Variants in MDN1 observed in about 807,000 individuals in gnomAD.
The protein encoded by MDN1 is midasin.
A neutral mutation model predicts 669.2 loss-of-function variants in MDN1; 266 were observed. The ratio of observed to expected loss-of-function variants is 0.40; its 90% CI spans 0.36 to 0.44. The LOEUF is 0.44. MDN1 is among the 20% of genes least tolerant of loss of function. The pLI is 1.00. For missense variants in MDN1, 5,940 were observed against 6,754.0 expected, an observed-to-expected ratio of 0.88 and a Z score of 4.22; for synonymous variants, 2,385 against 2,457.1, an observed-to-expected ratio of 0.97 and a Z score of 0.87.
At chr6:89,780,796 G>A (rs1406355267) in intron 10 of MDN1, among the ~76,000 whole-genome samples, 1 of 143,894 alleles carries the variant, frequency 6.9e-6, no homozygotes, top group Admixed American at 7.2e-5. Flanking sequence ...ACCTGCCACC[G>A]TGCCTGGCTA....
chr6:89,796,411 T>G (rs1237816182), intron 2 of MDN1, among the ~76,000 whole-genome samples: 1 of 114,376 alleles, frequency 8.7e-6, no homozygotes, highest in Non-Finnish European at 1.8e-5. Context: ...TACAGACCAA[T>G]AAGTAACTAG....
chr6:89,705,204 A>G (rs1242301265), intron 53 of MDN1, among the ~76,000 whole-genome samples: 1 of 152,214 alleles, frequency 6.6e-6, no homozygotes, highest in African/African-American at 2.4e-5. Context: ...TTTATTGAAA[A>G]TAAGTTATTC....
chr6:89,775,644 G>A (rs1336876740), intron 12 of MDN1, among the ~76,000 whole-genome samples: 2 of 152,078 alleles, frequency 1.3e-5, no homozygotes, highest in African/African-American at 4.8e-5. Context: ...GAGTATACAG[G>A]TATTCACTGC....
At chr6:89,796,324 C>CAAAAAAAA (rs35169575) in intron 2 of MDN1, among the ~76,000 whole-genome samples, 12 of 45,362 alleles carry the variant, frequency 2.6e-4, no homozygotes, top group African/African-American at 2.9e-4. Context: ...AACTCTGTCT[C>CAAAAAAAA]AAAAAAAAAA....
At chr6:89,725,930 T>TACACACACACAC (rs71024397) in intron 37 of MDN1, among the ~76,000 whole-genome samples, 20 of 147,582 alleles carry the variant, frequency 1.4e-4, no homozygotes, top group African/African-American at 4.2e-4. Flanking sequence ...TGGTATTTTA[T>TACACACACACAC]ACACACACAC....
At chr6:89,732,936 C>T (rs982581452) in intron 33 of MDN1, among the ~76,000 whole-genome samples, 161 bp from the exon 34 acceptor site, 7 of 152,172 alleles carry the variant, frequency 4.6e-5, no homozygotes, top group African/African-American at 1.4e-4. Flanking sequence ...CAAAAGCAGC[C>T]TGCAGCTTTG....
At chr6:89,732,465 G>C (rs1417792464) in intron 34 of MDN1, 92 bp downstream of exon 34, 4 of 1,072,868 alleles carry the variant, frequency 3.7e-6, no homozygotes, top group Non-Finnish European at 5.5e-6. Flanking sequence ...AAGTGATTCA[G>C]TAAAATAGCT....
chr6:89,739,339 G>C (rs1231471124), intron 32 of MDN1, among the ~76,000 whole-genome samples: 5 of 152,154 alleles, frequency 3.3e-5, no homozygotes, highest in African/African-American at 4.8e-5. Flanking sequence ...AGACCTCTCT[G>C]TGGCATTTCT....
Position 89,670,170 on chromosome 6 carries a change from A to ATTT in MDN1, c.13956+746_13956+748dup, listed in dbSNP as rs766450069. On this transcript the variant is annotated intron_variant, in intron 83 of 101. Coordinates refer to ENST00000369393, the MANE Select transcript of MDN1 (RefSeq NM_014611.3). The stretch of plus-strand genomic sequence containing the variant: ...TATATATATATATATATATATATAT[A>ATTT]TTTTTTTTTTTTTTTTTTTTGAGAT... Among the ~76,000 whole-genome samples the ATTT allele has an allele frequency of 5.5e-3, 128 of 23,394 alleles. 6 individuals carry two copies. The highest frequency in any genetic ancestry group is 0.019 in the African/African-American group (73 of 3,908). The allele number at this position is 23,394 out of a possible 152,430, so 15.3% of individuals were successfully genotyped here.
At chr6:89,809,993 T>TAAAAAAAA (rs61558155) in intron 1 of MDN1, among the ~76,000 whole-genome samples, 7 of 52,832 alleles carry the variant, frequency 1.3e-4, no homozygotes, top group Non-Finnish European at 1.9e-4. Flanking sequence ...TCCGTTTCAC[T>TAAAAAAAA]AAAAAAAAAA....
At chr6:89,751,019 A>C (rs913399677) in intron 23 of MDN1, among the ~76,000 whole-genome samples, 1 of 151,920 alleles carries the variant, frequency 6.6e-6, no homozygotes, top group Non-Finnish European at 1.5e-5. Context: ...AAAATGCAAG[A>C]AGCAGAAGAA....
At chr6:89,664,706 G>A in intron 84 of MDN1, 78 bp from the exon 85 acceptor site, 5 of 1,140,514 alleles carry the variant, frequency 4.4e-6, no homozygotes, top group Non-Finnish European at 3.8e-6. Flanking sequence ...AAATGCCAAG[G>A]TTAATGGTGT....
At chr6:89,699,086 A>C in intron 58 of MDN1, 51 bp from the exon 59 acceptor site, 1 of 1,465,846 alleles carries the variant, frequency 6.8e-7, no homozygotes, top group Non-Finnish European at 9.4e-7. Context: ...AAGACTCCAT[A>C]AATTATTAGG....
At chr6:89,784,132 T>C (rs1159655788) in intron 9 of MDN1, among the ~76,000 whole-genome samples, 4 of 151,830 alleles carry the variant, frequency 2.6e-5, no homozygotes, top group African/African-American at 9.7e-5. Flanking sequence ...CTGGTCAACA[T>C]GGTGAAACCC....
At chr6:89,710,820 T>C in intron 49 of MDN1, 26 bp from the exon 50 acceptor site, 3 of 1,399,222 alleles carry the variant, frequency 2.1e-6, no homozygotes, top group Non-Finnish European at 2.0e-6. Flanking sequence ...AAACCAGTGT[T>C]AGACTCTAAA....
intron 14 of MDN1, 82 bp from the exon 15 acceptor site, chr6:89,771,703 A>G: frequency 8.2e-7 from 1 of 1,214,244 alleles, no homozygotes; most frequent in Non-Finnish European, 1.2e-6. Flanking sequence ...GGCTGTGGGA[A>G]TATGGCATAG....
chr6:89,770,973 AATAAAT>A (rs1818051145), intron 15 of MDN1, among the ~76,000 whole-genome samples: 1 of 152,182 alleles, frequency 6.6e-6, no homozygotes, highest in Non-Finnish European at 1.5e-5. Flanking sequence ...AATAAATTCA[AATAAAT>A]ACCTTGCTGT....
Position 89,692,889 on chromosome 6 carries a change from G to C in MDN1, c.10141C>G (p.Gln3381Glu). ...TCCTCTGACAGCCGCTTCCGGAACT[G>C]GTGGTGTGACTGCTGCCAAGAGGCC... Reference protein sequence around the residue: ...EEASWQQSHHQFRKRLSEEYT... With the variant: ...EEASWQQSHHEFRKRLSEEYT... The change falls in exon 63 of 102, where the codon CAG becomes GAG. Residue 3381 changes from glutamine to glutamate, a missense_variant. By Grantham distance (29) the Gln-to-Glu change is conservative (BLOSUM62 2). This residue lies in a region of MDN1 where 150 missense variants were observed against 234.2 expected (regional missense o/e 0.64). Coordinates refer to ENST00000369393, the MANE Select transcript of MDN1 (RefSeq NM_014611.3). The C allele has an allele frequency of 6.2e-7, 1 of 1,614,228 alleles. No individual in the cohort carries two copies. The highest frequency in any genetic ancestry group is 8.5e-7 in the Non-Finnish European group (1 of 1,180,038).
At chr6:89,746,611 A>AG (rs1554191093) in intron 27 of MDN1, among the ~76,000 whole-genome samples, 1 of 40,532 alleles carries the variant, frequency 2.5e-5, no homozygotes, top group African/African-American at 9.1e-5. Flanking sequence ...AAAAAAAAAA[A>AG]AAAGAAAGAA....
Sources: allele counts gnomAD v4.1 joint callset (sites outside exome capture counted in the v4.1 genomes callset), GRCh38; gene constraint gnomAD v4.1.1; regional missense constraint gnomAD v4.1.1; transcripts MANE v1.5; gene names NCBI Gene and HGNC (gene_info 2026-07-23, HGNC 2026-07-21).